LDLRAD4: variants seen among roughly 807,000 people sequenced by gnomAD.
The protein encoded by LDLRAD4 is low-density lipoprotein receptor class A domain-containing protein 4.
LDLRAD4 carries 5 observed loss-of-function variants against 17.0 expected under a neutral mutation model. That is an observed-to-expected ratio of 0.29 (90% confidence interval 0.15 to 0.62). The LOEUF (loss-of-function observed/expected upper bound fraction) is 0.62, where lower values mean the gene tolerates loss of function less well. Among genes scored for constraint, LDLRAD4 ranks in the 20% least tolerant of loss-of-function variants. The pLI is 0.84. For synonymous variants in LDLRAD4, 168 were observed against 171.8 expected (o/e 0.98, Z 0.17); for missense variants, 340 against 424.7 (o/e 0.80, Z 1.75).
intron 3 of LDLRAD4, among the ~76,000 whole-genome samples, chr18:13,474,366 A>G (rs2092880330): frequency 6.9e-6 from 1 of 145,956 alleles, no homozygotes; most frequent in African/African-American, 2.4e-5. Context: ...TCAGCCTGCA[A>G]AAACCCTGAG....
chr18:13,643,393 C>G (rs202135989), exon 5 of LDLRAD4: 2 of 1,220,650 alleles, frequency 1.6e-6, no homozygotes, highest in African/African-American at 1.7e-5. Flanking sequence ...AGCGCCGCAC[C>G]GCGGCTGGGC....
chr18:13,279,025 T>C (rs993836405), intron 1 of LDLRAD4, among the ~76,000 whole-genome samples: 2 of 152,176 alleles, frequency 1.3e-5, no homozygotes, highest in Non-Finnish European at 2.9e-5. Context: ...TTTTTACAGT[T>C]GGGTGCAAAG....
intron 3 of LDLRAD4, among the ~76,000 whole-genome samples, chr18:13,619,307 T>C (rs966825104): frequency 6.6e-6 from 1 of 152,060 alleles, no homozygotes; most frequent in Non-Finnish European, 1.5e-5. Context: ...TCGAAGACTG[T>C]GTTCCTAGGT....
rs1288066793 is a variant in LDLRAD4, at chr18:13,398,940, T to C, written c.40+11178T>C. ...AGATGCAGCCACCCAGATCTTCATC[T>C]TTGTAATGATGATCGGGGCTGGGAG... is the stretch of plus-strand genomic sequence containing the variant. On this transcript the variant is annotated intron_variant, in intron 2 of 5. Transcript: ENST00000359446. This position sits in a 1 kb window ranked among gnomAD's most constrained non-coding sequence, Gnocchi z 4.8. Among the ~76,000 whole-genome samples, 1 of 152,216 alleles carries C rather than the reference T, an allele frequency of 6.6e-6. No homozygotes were observed. The highest frequency in any genetic ancestry group is 1.5e-5 in the Non-Finnish European group (1 of 68,028).
intron 1 of LDLRAD4, among the ~76,000 whole-genome samples, chr18:13,362,734 C>G: frequency 6.6e-6 from 1 of 152,146 alleles, no homozygotes; most frequent in Middle Eastern, 3.2e-3. Context: ...AGATGATAAA[C>G]GTTAAGTTAT....
At chr18:13,272,480 G>A (rs2044618531) in intron 1 of LDLRAD4, among the ~76,000 whole-genome samples, 1 of 152,216 alleles carries the variant, frequency 6.6e-6, no homozygotes, top group Non-Finnish European at 1.5e-5. Flanking sequence ...TTTCTATTTG[G>A]GGAGAAGAAC....
intron 2 of LDLRAD4, chr18:13,420,565 A>G (rs568604522): frequency 2.0e-5 from 3 of 152,224 alleles, no homozygotes; most frequent in African/African-American, 7.2e-5. Context: ...TAAGGAAAAC[A>G]CAGCTTAAAT....
chr18:13,350,266 A>T (rs370044272), intron 1 of LDLRAD4, among the ~76,000 whole-genome samples: 1 of 152,146 alleles, frequency 6.6e-6, no homozygotes, highest in African/African-American at 2.4e-5. Flanking sequence ...AAGCATTCCT[A>T]TTTCTCCACA....
At chr18:13,510,895 G>A (rs551073872) in intron 3 of LDLRAD4, among the ~76,000 whole-genome samples, 1 of 152,250 alleles carries the variant, frequency 6.6e-6, no homozygotes, top group East Asian at 1.9e-4. Context: ...AGGAGTGAGA[G>A]GGAAACTTCA....
intron 2 of LDLRAD4, among the ~76,000 whole-genome samples, chr18:13,431,234 C>CTCTT (rs2090314243): frequency 6.6e-6 from 1 of 152,212 alleles, no homozygotes; most frequent in African/African-American, 2.4e-5. Flanking sequence ...TCGTTTCAAA[C>CTCTT]TCTTCTCCCA....
chr18:13,271,367 G>A (rs1379046203), intron 1 of LDLRAD4, among the ~76,000 whole-genome samples: 2 of 152,174 alleles, frequency 1.3e-5, no homozygotes, highest in South Asian at 2.1e-4. Context: ...GTGTGAAAGC[G>A]AAGGGTGGAG....
intron 3 of LDLRAD4, among the ~76,000 whole-genome samples, chr18:13,467,871 C>T (rs2092667284): frequency 6.6e-6 from 1 of 152,192 alleles, no homozygotes; most frequent in African/African-American, 2.4e-5. Flanking sequence ...ATAAGGGCTC[C>T]AAGTCCATTT....
At chr18:13,573,396 C>T (rs1054171378) in intron 3 of LDLRAD4, among the ~76,000 whole-genome samples, 9 of 150,762 alleles carry the variant, frequency 6.0e-5, no homozygotes, top group African/African-American at 9.9e-5. Flanking sequence ...CCCATCACCA[C>T]GCCCCACTAA....
At chr18:13,352,287 TAA>T (rs2144424913) in intron 1 of LDLRAD4, among the ~76,000 whole-genome samples, 1 of 152,272 alleles carries the variant, frequency 6.6e-6, no homozygotes, top group African/African-American at 2.4e-5. Context: ...GAGAAAGAAA[TAA>T]AGAGTATTCA....
intron 1 of LDLRAD4, among the ~76,000 whole-genome samples, chr18:13,263,910 C>T (rs1017649442): frequency 2.0e-5 from 3 of 151,948 alleles, no homozygotes; most frequent in Admixed American, 2.0e-4. Flanking sequence ...TCATAAAGTA[C>T]AATCATACAG....
intron 3 of LDLRAD4, among the ~76,000 whole-genome samples, chr18:13,558,192 G>C (rs1452975576): frequency 6.6e-6 from 1 of 152,248 alleles, no homozygotes; most frequent in Non-Finnish European, 1.5e-5. Flanking sequence ...AGACCAGGGT[G>C]AATATTGAGT....
At chr18:13,481,408 G>A (rs775175566) in intron 3 of LDLRAD4, among the ~76,000 whole-genome samples, 1 of 152,200 alleles carries the variant, frequency 6.6e-6, no homozygotes, top group Non-Finnish European at 1.5e-5. Context: ...TGAGAAGCGG[G>A]GGCACGTGTA....
intron 4 of LDLRAD4, among the ~76,000 whole-genome samples, chr18:13,631,339 A>G (rs1163671811): frequency 6.6e-6 from 1 of 152,254 alleles, no homozygotes; most frequent in Non-Finnish European, 1.5e-5. Context: ...TAATAGATCT[A>G]TAGCTAGTAA....
intron 1 of LDLRAD4, among the ~76,000 whole-genome samples, chr18:13,336,225 T>TC (rs2082098458): frequency 6.6e-6 from 1 of 152,222 alleles, no homozygotes; most frequent in Non-Finnish European, 1.5e-5. Flanking sequence ...AGCATGAGGC[T>TC]CGGAGGGGTT....
Sources: gnomAD v4.1 joint callset for allele counts (sites outside exome capture counted in the v4.1 genomes callset) on GRCh38, gnomAD v4.1.1 for gene constraint, Gnocchi (gnomAD v3.1) non-coding constraint, MANE v1.5 for transcripts, NCBI Gene and HGNC (gene_info 2026-07-23, HGNC 2026-07-21) for gene names.